Variants in TLK1 observed in about 807,000 individuals in gnomAD.
TLK1 encodes the protein tousled like kinase 1.
TLK1 carries 24 observed loss-of-function variants against 105.3 expected under a neutral mutation model. The observed-to-expected ratio is 0.23, with a 90% confidence interval of 0.17 to 0.32. The LOEUF is 0.32. TLK1 is among the 10% of genes least tolerant of loss of function. The pLI is 1.00. For synonymous variants in TLK1, 321 were observed against 310.4 expected, an observed-to-expected ratio of 1.03 and a Z score of -0.36; for missense variants, 558 against 910.5, an observed-to-expected ratio of 0.61 and a Z score of 4.98.
intron 12 of TLK1, among the ~76,000 whole-genome samples, chr2:171,015,762 A>C (rs1015330315): frequency 6.6e-6 from 1 of 151,918 alleles, no homozygotes; most frequent in Admixed American, 6.6e-5. Context: ...ACAAATTTGA[A>C]TACTACTTAA....
chr2:171,224,904 C>T (rs1693871624), intron 1 of TLK1, among the ~76,000 whole-genome samples: 1 of 152,110 alleles, frequency 6.6e-6, no homozygotes, highest in African/African-American at 2.4e-5. Context: ...TAAATCCTCA[C>T]ATTTACAGTT....
In TLK1 at chr2:171,173,878, C is replaced by T. The variant is rs117498603; in HGVS notation, c.-5-56021G>A. ...CCAAGACAAGAACCCAGTTAGTTATCCAAACAAGAGAACTGAGAGTCATTC... is the reference window on the plus strand; with the variant it reads ...CCAAGACAAGAACCCAGTTAGTTATTCAAACAAGAGAACTGAGAGTCATTC... On this transcript the variant is annotated intron_variant, in intron 1 of 20. Coordinates refer to the TLK1 transcript ENST00000521943. Among the ~76,000 whole-genome samples, 16 of 152,156 alleles carry T rather than the reference C, an allele frequency of 1.1e-4. No individual in the cohort carries two copies. In the East Asian group the frequency reaches 3.1e-3, roughly 29 times the overall value.
At chr2:171,180,956 ACT>A (rs1244502394) in intron 1 of TLK1, among the ~76,000 whole-genome samples, 2 of 152,062 alleles carry the variant, frequency 1.3e-5, no homozygotes, top group East Asian at 3.9e-4. Flanking sequence ...AATATGATTA[ACT>A]CTGATAATAA....
At chr2:171,014,682 A>G (rs2247657) in intron 13 of TLK1, among the ~76,000 whole-genome samples, 169 bp downstream of exon 13, 145,812 of 152,186 alleles carry the variant, frequency 0.96, 70,117 homozygotes, top group East Asian at 1. Flanking sequence ...TGAGGACAGT[A>G]AGGTGGCCAG....
intron 2 of TLK1, among the ~76,000 whole-genome samples, chr2:171,115,018 AGTTT>A (rs920781564): frequency 3.9e-5 from 6 of 152,206 alleles, no homozygotes; most frequent in East Asian, 1.9e-4. Context: ...AAGTTTACTT[AGTTT>A]GTTATGGAAA....
chr2:171,193,075 G>A (rs1200351377), intron 1 of TLK1, among the ~76,000 whole-genome samples: 1 of 152,194 alleles, frequency 6.6e-6, no homozygotes, highest in Non-Finnish European at 1.5e-5. Context: ...GTAAATCACT[G>A]CAAGAAATCT....
At chr2:171,188,598 T>G (rs1044261188) in intron 1 of TLK1, among the ~76,000 whole-genome samples, 1 of 149,148 alleles carries the variant, frequency 6.7e-6, no homozygotes, top group African/African-American at 2.5e-5. Flanking sequence ...CCCAGCTACT[T>G]GGGAGGCTGA....
At chr2:171,148,100 CTGGA>C (rs1336809245) in intron 1 of TLK1, among the ~76,000 whole-genome samples, 2 of 152,132 alleles carry the variant, frequency 1.3e-5, no homozygotes, top group African/African-American at 2.4e-5. Context: ...CCGTGTTAGC[CTGGA>C]TGGTCTTGAT....
intron 3 of TLK1, among the ~76,000 whole-genome samples, chr2:171,065,528 C>T (rs1454839043): frequency 7.2e-6 from 1 of 138,156 alleles, no homozygotes; most frequent in Non-Finnish European, 1.5e-5. Context: ...TGCAACTTCA[C>T]TGGCTATTCT....
At chr2:171,057,430 T>C (rs1427130624) in intron 5 of TLK1, among the ~76,000 whole-genome samples, 3 of 152,090 alleles carry the variant, frequency 2.0e-5, no homozygotes, top group African/African-American at 7.2e-5. Flanking sequence ...TTTGTTGATT[T>C]GAATTCATCG....
intron 1 of TLK1, among the ~76,000 whole-genome samples, chr2:171,208,587 T>G (rs1693552109): frequency 6.6e-6 from 1 of 152,120 alleles, no homozygotes; most frequent in Admixed American, 6.5e-5. Flanking sequence ...ATAATCAACT[T>G]TAAGAAATTT....
At chr2:171,022,253 T>C (rs1247577342) in intron 12 of TLK1, among the ~76,000 whole-genome samples, 1 of 152,208 alleles carries the variant, frequency 6.6e-6, no homozygotes, top group Non-Finnish European at 1.5e-5. Flanking sequence ...CAGGTCCATA[T>C]GTGAGTAAGA....
chr2:171,172,381 T>C (rs987091173), intron 1 of TLK1, among the ~76,000 whole-genome samples: 2 of 152,172 alleles, frequency 1.3e-5, no homozygotes, highest in African/African-American at 2.4e-5. Context: ...TTGTACACTT[T>C]GGTACATGTA....
chr2:171,130,390 ACTCTATCTC>A (rs1691053577), intron 1 of TLK1, among the ~76,000 whole-genome samples: 1 of 151,266 alleles, frequency 6.6e-6, no homozygotes, highest in Admixed American at 6.6e-5. Flanking sequence ...CAACAGAGCA[ACTCTATCTC>A]GGGGAAAAAA....
At chr2:171,161,528 TAAA>T (rs914793922), upstream of TLK1, among the ~76,000 whole-genome samples, 43 of 152,268 alleles carry the variant, frequency 2.8e-4, no homozygotes, top group African/African-American at 8.4e-4. Flanking sequence ...TCGTGTTTTC[TAAA>T]AAAGAGTGAA....
chr2:171,170,134 T>C (rs1692699085), intron 1 of TLK1, among the ~76,000 whole-genome samples: 1 of 152,162 alleles, frequency 6.6e-6, no homozygotes, highest in African/African-American at 2.4e-5. Flanking sequence ...TCCCAGATTG[T>C]GTTAAAAATT....
In TLK1 at chr2:171,061,074, T is replaced by G. The variant is rs1291331753; in HGVS notation, c.406+7A>C. ...CTAGGCTCTGAAGGAAGATGTTATG[T>G]GCTTACCCTGACTACTTTCATTCTG... On this transcript the variant is annotated splice_region_variant and intron_variant, in intron 4 of 20. Transcript: ENST00000431350. The G allele has an allele frequency of 6.2e-7, 1 of 1,613,172 alleles. No homozygotes were observed. Among genetic ancestry groups the G allele is most frequent in the East Asian group, 2.2e-5 (1 of 44,750 alleles).
intron 1 of TLK1, among the ~76,000 whole-genome samples, chr2:171,135,780 C>T (rs769233697): frequency 5.3e-5 from 8 of 150,904 alleles, no homozygotes; most frequent in Non-Finnish European, 1.0e-4. Flanking sequence ...CCAACGTGGG[C>T]GACAAGAAAA....
At chr2:171,180,519 A>G (rs982757665) in intron 1 of TLK1, among the ~76,000 whole-genome samples, 3 of 152,282 alleles carry the variant, frequency 2.0e-5, no homozygotes, top group Admixed American at 1.3e-4. Flanking sequence ...GGCCTTTTAC[A>G]CTGATGACTA....
Sources: gnomAD v4.1 joint callset for allele counts (sites outside exome capture counted in the v4.1 genomes callset) on GRCh38, gnomAD v4.1.1 for gene constraint, MANE v1.5 for transcripts, NCBI Gene and HGNC (gene_info 2026-07-23, HGNC 2026-07-21) for gene names.